WIPI1: variants seen among roughly 807,000 people sequenced by gnomAD.
The protein encoded by WIPI1 is WD repeat domain, phosphoinositide interacting 1, also known as WD repeat domain phosphoinositide-interacting protein 1.
A neutral mutation model predicts 55.3 loss-of-function variants in WIPI1; 45 were observed. That is an observed-to-expected ratio of 0.81 (90% CI 0.64 to 1.04). The LOEUF (loss-of-function observed/expected upper bound fraction) is 1.04, where lower values mean the gene tolerates loss of function less well. Ranked by LOEUF, WIPI1 falls within the 50% of genes least tolerant of loss-of-function variation. The pLI, the probability that WIPI1 is intolerant of heterozygous loss-of-function variation, is 0.00. For missense variants in WIPI1, 445 were observed against 559.0 expected (o/e 0.80, Z 2.06); for synonymous variants, 195 against 217.6 (o/e 0.90, Z 0.92).
intron 3 of WIPI1, among the ~76,000 whole-genome samples, chr17:68,446,655 C>T (rs928221065): frequency 6.6e-6 from 1 of 152,194 alleles, no homozygotes; most frequent in African/African-American, 2.4e-5. Context: ...GTTAGAACTA[C>T]GTGGTTCTAT....
intron 12 of WIPI1, 66 bp from the exon 13 acceptor site, chr17:68,421,886 C>A: frequency 6.2e-7 from 1 of 1,604,062 alleles, no homozygotes; most frequent in South Asian, 1.1e-5. Flanking sequence ...GGTGCATTAT[C>A]AACAGGTCTG....
At position 68,457,323 on chromosome 17, in the gene WIPI1, G is replaced by T. The variant is rs1326699903; in HGVS notation, c.80+19C>A. ...ACTCTGTCCCCCACCTCCCTGGCAG[G>T]GGCCGAGTCGCAGCTTACGTGCAGT... On this transcript the variant is annotated intron_variant, in intron 1 of 12. Transcript: ENST00000262139. 6.5e-7 allele frequency: 1 copy of T among 1,541,478 alleles called. No homozygotes were observed. The highest frequency in any genetic ancestry group is 1.2e-5 in the South Asian group (1 of 83,876).
At chr17:68,426,816 T>G (rs749815453) in intron 11 of WIPI1, among the ~76,000 whole-genome samples, 1 of 152,192 alleles carries the variant, frequency 6.6e-6, no homozygotes, top group Non-Finnish European at 1.5e-5. Context: ...ATTACAGGTG[T>G]GAGCCAATGT....
chr17:68,421,963 GC>G, intron 12 of WIPI1, 143 bp from the exon 13 acceptor site: 2 of 933,608 alleles, frequency 2.1e-6, no homozygotes, highest in Non-Finnish European at 3.4e-6. Flanking sequence ...CTCGCTCATG[GC>G]CACAGAATGG....
At chr17:68,451,047 T>C (rs2084481950) in intron 2 of WIPI1, 150 bp from the exon 3 acceptor site, 5 of 1,102,514 alleles carry the variant, frequency 4.5e-6, no homozygotes, top group Non-Finnish European at 6.3e-6. Flanking sequence ...GCATTGACAG[T>C]GATCCACCAT....
Position 68,435,608 on chromosome 17 carries a change from G to A in WIPI1, c.621+12C>T, listed in dbSNP as rs778450957. ...GAAACCCAGACAGAGGTGTTGGTGGGAGTGGACTCACTTTTTCAGACGCAC... is the reference window on the plus strand; with the variant it reads ...GAAACCCAGACAGAGGTGTTGGTGGAAGTGGACTCACTTTTTCAGACGCAC... On this transcript the variant is annotated intron_variant, in intron 6 of 12. Transcript: ENST00000262139. 1 of 1,613,552 alleles carries A rather than the reference G, an allele frequency of 6.2e-7. No homozygotes were observed. The highest frequency in any genetic ancestry group is 1.1e-5 in the South Asian group (1 of 91,068).
chr17:68,447,587 C>T (rs2084332066), intron 3 of WIPI1, among the ~76,000 whole-genome samples: 3 of 152,084 alleles, frequency 2.0e-5, no homozygotes, highest in South Asian at 4.2e-4. Context: ...GACTAGGTCT[C>T]GTTACATTGC....
At chr17:68,436,694 C>A (rs2083807999) in intron 4 of WIPI1, among the ~76,000 whole-genome samples, 1 of 152,182 alleles carries the variant, frequency 6.6e-6, no homozygotes, top group Non-Finnish European at 1.5e-5. Flanking sequence ...ACACTGGCTG[C>A]GTCCTTGCTA....
rs779466438 is a variant in WIPI1 at position 68,444,572 on chromosome 17, T to C, written c.351A>G (p.Leu117=). The C allele has an allele frequency of 9.9e-6, 16 of 1,613,796 alleles. No homozygotes were observed. In the Admixed American group the frequency reaches 2.2e-4, roughly 22 times the overall value. ...TGTTGTGAATATAAATGGACTCTTC[T>C]AGGCAAACCAGCAGCCTCTGTAATC... ...RLNRQRLLVC[L]EESIYIHNIK... The change falls in exon 4 of 13, where the codon CTA becomes CTG. Residue 117 remains leucine, a synonymous_variant. Coordinates refer to ENST00000262139, the MANE Select transcript of WIPI1 (RefSeq NM_017983.7).
At position 68,430,232 on chromosome 17, in the gene WIPI1, C is replaced by G. The variant is rs2083450126; in HGVS notation, c.801-72G>C. 7 of 1,487,530 alleles carry G rather than the reference C, an allele frequency of 4.7e-6. No individual in the cohort carries two copies. In the South Asian group the frequency reaches 6.4e-5, roughly 14 times the overall value. 92.1% of individuals were successfully genotyped at this position (1,487,530 alleles called of 1,614,324 possible). A position where few individuals can be genotyped will look rare whatever the true frequency, so the allele number is the denominator to read the frequency against. ...ACACGCACCCAGGAATCTCCACACC[C>G]AAGCGTCATTAGCCACACTCCCCGC... On this transcript the variant is annotated intron_variant, in intron 8 of 12. Coordinates refer to ENST00000262139, the MANE Select transcript of WIPI1 (RefSeq NM_017983.7).
intron 7 of WIPI1, among the ~76,000 whole-genome samples, chr17:68,434,208 G>A (rs2083672765): frequency 6.6e-6 from 1 of 152,152 alleles, no homozygotes; most frequent in African/African-American, 2.4e-5. Flanking sequence ...CATCCGATAA[G>A]ATCCCAAACA....
In WIPI1 at chr17:68,434,966, C is replaced by T. The variant is rs565207496; in HGVS notation, c.622-340G>A. On this transcript the variant is annotated intron_variant, in intron 6 of 12. Coordinates refer to ENST00000262139, the MANE Select transcript of WIPI1 (RefSeq NM_017983.7). ...CCTGTAATCCTAGCACTTTGGGAGG[C>T]CAAGGCGGGTGGATTGCCTGAGCTC... 2.6e-5 allele frequency among the ~76,000 whole-genome samples: 4 copies of T among 152,192 alleles called. No homozygotes were observed. The South Asian group carries it at 8.3e-4, about 32-fold the overall frequency.
intron 4 of WIPI1, among the ~76,000 whole-genome samples, chr17:68,443,166 A>C (rs1044093166): frequency 6.6e-6 from 1 of 152,146 alleles, no homozygotes; most frequent in Admixed American, 6.5e-5. Context: ...GCTGGAGTGC[A>C]GTGGTGCGAT....
At chr17:68,443,921 A>G (rs1211968570) in intron 4 of WIPI1, among the ~76,000 whole-genome samples, 3 of 152,236 alleles carry the variant, frequency 2.0e-5, no homozygotes, top group African/African-American at 4.8e-5. Flanking sequence ...TGCTATTTCA[A>G]TATAACAAAT....
At chr17:68,439,654 T>TTTTATTTTA (rs1160291018) in intron 4 of WIPI1, among the ~76,000 whole-genome samples, 2 of 152,218 alleles carry the variant, frequency 1.3e-5, no homozygotes, top group Admixed American at 1.3e-4. Flanking sequence ...GATTTTCAAA[T>TTTTATTTTA]TTTATTTTAA....
chr17:68,444,246 T>C (rs2084194373), intron 4 of WIPI1, among the ~76,000 whole-genome samples: 1 of 152,176 alleles, frequency 6.6e-6, no homozygotes, highest in Non-Finnish European at 1.5e-5. Flanking sequence ...CATTTGCTGA[T>C]ATGGGTCCCA....
rs141569204 is a variant in WIPI1 at position 68,427,191 on chromosome 17, T to G, written c.1136A>C (p.Gln379Pro). ...TCTGGCTACGGTCGCTGCATAAGAC[T>G]GAGGTAAGGAAGGTCTGAGGTCATT... ...KENDLRPSLP[Q>P]SYAATVARPS... is the part of the protein sequence containing the mutation. Residue 379 changes from glutamine (Q) to proline (P), a missense_variant, in exon 11 of 13, where the codon CAG (glutamine) becomes CCG (proline). Coordinates refer to ENST00000262139, the MANE Select transcript of WIPI1 (RefSeq NM_017983.7). The G allele has an allele frequency of 3.0e-5, 48 of 1,614,164 alleles. No individual in the cohort carries two copies. In the African/African-American group the frequency reaches 5.7e-4, roughly 19 times the overall value.
At chr17:68,429,432 A>G (rs1329593513) in intron 9 of WIPI1, among the ~76,000 whole-genome samples, 1 of 152,210 alleles carries the variant, frequency 6.6e-6, no homozygotes, top group East Asian at 1.9e-4. Context: ...GGCTTTTTAC[A>G]TAATTACATA....
chr17:68,437,008 A>G (rs1366266235), intron 4 of WIPI1, among the ~76,000 whole-genome samples: 3 of 83,026 alleles, frequency 3.6e-5, no homozygotes, highest in African/African-American at 1.4e-4. Context: ...AAAAAAAAAT[A>G]TATATATATG....
Sources: gnomAD v4.1 joint callset for allele counts (sites outside exome capture counted in the v4.1 genomes callset) on GRCh38, gnomAD v4.1.1 for gene constraint, MANE v1.5 for transcripts, NCBI Gene and HGNC (gene_info 2026-07-23, HGNC 2026-07-21) for gene names.